Variants in NR2C2 observed in about 807,000 individuals in gnomAD.
NR2C2 encodes Nuclear hormone receptor TR4.
A neutral mutation model predicts 62.9 loss-of-function variants in NR2C2; 6 were observed. The ratio of observed to expected loss-of-function variants is 0.10; its 90% CI spans 0.05 to 0.19. The LOEUF (loss-of-function observed/expected upper bound fraction) is 0.19, where lower values mean the gene tolerates loss of function less well. NR2C2 is among the 10% of genes least tolerant of loss of function. The pLI, the probability that NR2C2 is intolerant of heterozygous loss-of-function variation, is 1.00. For missense variants in NR2C2, 479 were observed against 762.7 expected, an observed-to-expected ratio of 0.63 and a Z score of 4.38; for synonymous variants, 272 against 273.8, an observed-to-expected ratio of 0.99 and a Z score of 0.07.
At chr3:14,977,339 G>T (rs925558495) in intron 1 of NR2C2, among the ~76,000 whole-genome samples, 7 of 152,196 alleles carry the variant, frequency 4.6e-5, no homozygotes, top group African/African-American at 1.4e-4. Flanking sequence ...CTTACTGCAT[G>T]TAAAGCATAG....
intron 1 of NR2C2, among the ~76,000 whole-genome samples, chr3:15,001,318 G>GTTTTTTTTTTTTTTTTTTTTTGTTTTT (rs61017075): frequency 1.0e-5 from 1 of 97,484 alleles, no homozygotes; most frequent in African/African-American, 3.8e-5. Context: ...TTTGTTTTGG[G>GTTTTTTTTTTTTTTTTTTTTTGTTTTT]TTTTTTTTTT....
At chr3:14,972,483 T>C (rs1371151345) in intron 1 of NR2C2, among the ~76,000 whole-genome samples, 1 of 152,206 alleles carries the variant, frequency 6.6e-6, no homozygotes, top group Non-Finnish European at 1.5e-5. Flanking sequence ...TGAGCAGCTT[T>C]TCATATGCTA....
intron 1 of NR2C2, among the ~76,000 whole-genome samples, chr3:15,000,502 A>G (rs886219085): frequency 1.3e-5 from 2 of 152,198 alleles, no homozygotes; most frequent in African/African-American, 4.8e-5. Context: ...CTCTTCAACA[A>G]ACTGATTTCA....
chr3:14,956,835 C>T (rs193266663), intron 1 of NR2C2, among the ~76,000 whole-genome samples: 21 of 152,354 alleles, frequency 1.4e-4, no homozygotes, highest in Non-Finnish European at 1.9e-4. Context: ...GCCACCGCCC[C>T]GGCTGTGTGT....
chr3:14,993,192 G>A (rs1042862732), intron 1 of NR2C2, among the ~76,000 whole-genome samples: 3 of 152,136 alleles, frequency 2.0e-5, no homozygotes, highest in East Asian at 1.9e-4. Flanking sequence ...GGTGGCTCAC[G>A]TCTGTAGTCC....
intron 1 of NR2C2, among the ~76,000 whole-genome samples, chr3:14,953,190 G>T (rs1003032290): frequency 2.6e-5 from 4 of 152,134 alleles, no homozygotes; most frequent in Non-Finnish European, 5.9e-5. Context: ...TGATTTTTTA[G>T]GGGCAATAAA....
In NR2C2 at chr3:15,043,347, G is replaced by C. The variant is rs893868556; in HGVS notation, c.*339G>C. ...TAAAGAAAACTGAAAGAACCTGAGAGAATAGTATGTGTGTATATATATATA... is the reference window on the plus strand; with the variant it reads ...TAAAGAAAACTGAAAGAACCTGAGACAATAGTATGTGTGTATATATATATA... On this transcript the variant is annotated 3_prime_UTR_variant, in exon 14 of 14. Transcript: ENST00000425241. 1.2e-5 allele frequency: 2 copies of C among 169,158 alleles called. No homozygotes were observed. The highest frequency in any genetic ancestry group is 1.3e-5 in the Non-Finnish European group (1 of 79,288). The allele number at this position is 169,158 out of a possible 1,614,324, so 10.5% of individuals were successfully genotyped here.
At chr3:14,976,231 C>A (rs977751848) in intron 1 of NR2C2, among the ~76,000 whole-genome samples, 1 of 152,178 alleles carries the variant, frequency 6.6e-6, no homozygotes, top group Admixed American at 6.5e-5. Flanking sequence ...ATAATGCCCC[C>A]ACTTTTATTC....
chr3:15,002,173 T>G (rs1329569910), intron 1 of NR2C2, among the ~76,000 whole-genome samples: 2 of 152,220 alleles, frequency 1.3e-5, no homozygotes, highest in African/African-American at 4.8e-5. Flanking sequence ...AAGGAAAGCT[T>G]TTAGTCTTTT....
At chr3:14,982,119 T>C (rs2040387479) in intron 1 of NR2C2, among the ~76,000 whole-genome samples, 1 of 152,202 alleles carries the variant, frequency 6.6e-6, no homozygotes. Context: ...CAGGCTATAG[T>C]ACAACGACAG....
chr3:14,995,297 T>A (rs1486040976), intron 1 of NR2C2, among the ~76,000 whole-genome samples: 2 of 145,342 alleles, frequency 1.4e-5, no homozygotes, highest in African/African-American at 5.2e-5. Flanking sequence ...ATACCTAATT[T>A]CAGAACATTT....
chr3:15,035,595 T>C (rs2042083238), intron 11 of NR2C2, among the ~76,000 whole-genome samples: 1 of 152,174 alleles, frequency 6.6e-6, no homozygotes, highest in Non-Finnish European at 1.5e-5. Flanking sequence ...AAACAGTAAG[T>C]ACAAAAACTA....
intron 10 of NR2C2, among the ~76,000 whole-genome samples, chr3:15,033,464 T>C (rs911162601): frequency 1.3e-5 from 2 of 152,082 alleles, no homozygotes; most frequent in Non-Finnish European, 2.9e-5. Flanking sequence ...CCTGAGTAGT[T>C]GTTAGAATGG....
At chr3:15,019,890 C>A (rs947519032) in intron 4 of NR2C2, among the ~76,000 whole-genome samples, 1 of 151,918 alleles carries the variant, frequency 6.6e-6, no homozygotes, top group Non-Finnish European at 1.5e-5. Flanking sequence ...TATAAAATAC[C>A]TAGAAGAAAG....
At chr3:15,011,470 C>T (rs2041350553) in intron 2 of NR2C2, among the ~76,000 whole-genome samples, 1 of 152,170 alleles carries the variant, frequency 6.6e-6, no homozygotes, top group South Asian at 2.1e-4. Context: ...TGTCAACCAG[C>T]CTGTGTCTGC....
chr3:15,025,156 G>C (rs1263687500), intron 7 of NR2C2, among the ~76,000 whole-genome samples: 1 of 152,224 alleles, frequency 6.6e-6, no homozygotes, highest in Non-Finnish European at 1.5e-5. Context: ...GGCTCTGACT[G>C]CATGGTCAAA....
chr3:15,036,284 T>C (rs2042100849), intron 11 of NR2C2, among the ~76,000 whole-genome samples: 1 of 151,362 alleles, frequency 6.6e-6, no homozygotes, highest in Non-Finnish European at 1.5e-5. Flanking sequence ...TCCTTAAGAG[T>C]GAACAAACAA....
intron 1 of NR2C2, among the ~76,000 whole-genome samples, chr3:14,975,043 C>T (rs560570728): frequency 1.3e-3 from 203 of 152,224 alleles, no homozygotes; most frequent in African/African-American, 4.6e-3. Flanking sequence ...ATGGGATGTG[C>T]ATTGTTAGTG....
At chr3:14,963,784 G>A (rs1435435464) in intron 1 of NR2C2, among the ~76,000 whole-genome samples, 5 of 151,972 alleles carry the variant, frequency 3.3e-5, no homozygotes, top group Non-Finnish European at 5.9e-5. Flanking sequence ...ACAAATTTAC[G>A]TTCAAAGAGA....
Sources: allele counts gnomAD v4.1 joint callset (sites outside exome capture counted in the v4.1 genomes callset), GRCh38; gene constraint gnomAD v4.1.1; transcripts MANE v1.5; gene names NCBI Gene and HGNC (gene_info 2026-07-23, HGNC 2026-07-21).